Variants in OSBP2 observed in about 807,000 individuals in gnomAD.
The protein encoded by OSBP2 is oxysterol binding protein 2, also known as oxysterol-binding protein 2.
OSBP2 carries 66 observed loss-of-function variants against 96.0 expected under a neutral mutation model. That is an observed-to-expected ratio of 0.69 (90% CI 0.56 to 0.84). OSBP2 has a LOEUF of 0.84. OSBP2 is among the 40% of genes least tolerant of loss of function. The pLI, the probability that OSBP2 is intolerant of heterozygous loss-of-function variation, is 0.00. For missense variants in OSBP2, 1,038 were observed against 1,222.7 expected (o/e 0.85, Z 2.25); for synonymous variants, 525 against 520.9 (o/e 1.01, Z -0.11).
chr22:30,704,122 C>T (rs549359621), intron 1 of OSBP2, among the ~76,000 whole-genome samples: 5 of 152,230 alleles, frequency 3.3e-5, no homozygotes, highest in South Asian at 4.2e-4. Context: ...TGGAGGTCTC[C>T]GAAAGTAACC....
Position 30,893,456 on chromosome 22 carries a change from C to T in OSBP2, c.1991-7C>T. The T allele has an allele frequency of 6.2e-7, 1 of 1,611,292 alleles. No individual in the cohort carries two copies. Among genetic ancestry groups the T allele is most frequent in the African/African-American group, 1.3e-5 (1 of 75,006 alleles). On this transcript the variant is annotated splice_region_variant and splice_polypyrimidine_tract_variant and intron_variant, in intron 9 of 13. Transcript: ENST00000332585. ...GGCATGACCTCTGACCTGTCCCCTG[C>T]CTCCAGGTGCCATCCACTTAGAATT...
At chr22:30,844,415 G>A (rs1270188286) in intron 2 of OSBP2, 1 of 152,494 alleles carries the variant, frequency 6.6e-6, no homozygotes, top group Non-Finnish European at 1.5e-5. Context: ...TATTATCTTA[G>A]CTAGATCTTT....
rs79307724 is a variant in OSBP2 at position 30,900,423 on chromosome 22, T to C, written c.2376-5414T>C. Among the ~76,000 whole-genome samples, 33 of 152,244 alleles carry C rather than the reference T, an allele frequency of 2.2e-4. No individual in the cohort carries two copies. The East Asian group carries it at 6.2e-3, about 28-fold the overall frequency. On this transcript the variant is annotated intron_variant, in intron 12 of 13. Transcript: ENST00000332585. ...TCACGGATAGAAAGTATTGTAAAGA[T>C]GTCATGATTTAAAAAGTCAGTAAAT...
chr22:30,727,828 C>T (rs1268257831), intron 1 of OSBP2, among the ~76,000 whole-genome samples: 2 of 152,134 alleles, frequency 1.3e-5, no homozygotes, highest in Non-Finnish European at 2.9e-5. Context: ...CACCCTGGGC[C>T]GGGCGCAGTG....
intron 2 of OSBP2, among the ~76,000 whole-genome samples, chr22:30,800,149 T>C (rs146622653): frequency 6.6e-6 from 1 of 152,322 alleles, no homozygotes; most frequent in Non-Finnish European, 1.5e-5. Context: ...CTGGGTTTGC[T>C]CATTCAAGAG....
chr22:30,717,090 T>TTTTTTTTTTTTTTTG, intron 1 of OSBP2, among the ~76,000 whole-genome samples: 1 of 118,414 alleles, frequency 8.4e-6, no homozygotes. Context: ...TTTACTGTTT[T>TTTTTTTTTTTTTTTG]TGTGTGTGTG....
chr22:30,807,486 T>A (rs761085295), intron 2 of OSBP2, among the ~76,000 whole-genome samples: 13 of 152,162 alleles, frequency 8.5e-5, no homozygotes, highest in African/African-American at 2.9e-4. Flanking sequence ...GGCACTGCTT[T>A]CCTGCTGACC....
chr22:30,887,297 A>T, intron 3 of OSBP2, 129 bp from the exon 4 acceptor site: 1 of 706,054 alleles, frequency 1.4e-6, no homozygotes, highest in Non-Finnish European at 2.4e-6. Context: ...CTGGGAATGC[A>T]GCCCAGTAGG....
rs373297126 is a variant in OSBP2 at position 30,827,736 on chromosome 22, T to A, written c.854-42693T>A. On this transcript the variant is annotated intron_variant, in intron 2 of 13. Coordinates refer to ENST00000332585, the MANE Select transcript of OSBP2 (RefSeq NM_030758.4). ...AGCCAAATGAGACCTAGGGGAGACA[T>A]GGAAGAAGTCACCTCAGCTCCCTCA... is the stretch of plus-strand genomic sequence containing the variant. 1.3e-3 allele frequency among the ~76,000 whole-genome samples: 203 copies of A among 152,214 alleles called. 8 individuals carry two copies. In the South Asian group the frequency reaches 0.04, roughly 30 times the overall value.
intron 2 of OSBP2, among the ~76,000 whole-genome samples, chr22:30,759,167 GTGAAA>G (rs563824625): frequency 0.01 from 1,566 of 152,214 alleles, 9 homozygotes; most frequent in Middle Eastern, 0.017. Flanking sequence ...GGCCAACACG[GTGAAA>G]CCCCGTCTCT....
At chr22:30,710,817 GC>G (rs2089334227) in intron 1 of OSBP2, among the ~76,000 whole-genome samples, 1 of 151,990 alleles carries the variant, frequency 6.6e-6, no homozygotes, top group Non-Finnish European at 1.5e-5. Context: ...CACCATGTTG[GC>G]CAGGCTGGTC....
At chr22:30,705,671 C>T (rs1247739303) in intron 1 of OSBP2, among the ~76,000 whole-genome samples, 1 of 152,106 alleles carries the variant, frequency 6.6e-6, no homozygotes, top group Non-Finnish European at 1.5e-5. Context: ...GTACGTTTCT[C>T]AGGGAGGGTC....
intron 2 of OSBP2, chr22:30,822,800 G>T: frequency 1.7e-6 from 2 of 1,160,386 alleles, no homozygotes; most frequent in Non-Finnish European, 2.4e-6. Flanking sequence ...ATCGATCCAC[G>T]GGAGCCTCTG....
Position 30,889,225 on chromosome 22 carries a change from A to G in OSBP2, c.1467A>G (p.Ser489=). Residue 489 remains serine, a synonymous_variant, in exon 6 of 14, where the codon TCA becomes TCG. Coordinates refer to ENST00000332585, the MANE Select transcript of OSBP2 (RefSeq NM_030758.4). The part of the protein sequence containing the change: ...STGTSSVDWS[S]ADNVLDGASL... The stretch of plus-strand genomic sequence containing the variant: ...GGACAAGTTCCGTGGACTGGAGCTC[A>G]GCAGACAATGTAAGTGAGGGGGAGC... 2.5e-6 allele frequency: 4 copies of G among 1,613,310 alleles called. No homozygotes were observed. Among genetic ancestry groups the G allele is most frequent in the Non-Finnish European group, 3.4e-6 (4 of 1,179,844 alleles).
intron 1 of OSBP2, among the ~76,000 whole-genome samples, chr22:30,732,685 G>A (rs149431911): frequency 1.1e-3 from 167 of 152,332 alleles, no homozygotes; most frequent in Middle Eastern, 3.4e-3. Flanking sequence ...TGGTGAGCAG[G>A]GCCACTCCTG....
intron 2 of OSBP2, chr22:30,770,784 A>G (rs985101721): frequency 1.3e-5 from 2 of 152,312 alleles, no homozygotes; most frequent in Admixed American, 6.5e-5. Context: ...GTTCCTCCAT[A>G]ATTTCGTTCT....
At chr22:30,720,357 C>G (rs1470245465) in intron 1 of OSBP2, among the ~76,000 whole-genome samples, 1 of 152,154 alleles carries the variant, frequency 6.6e-6, no homozygotes, top group Non-Finnish European at 1.5e-5. Context: ...TGGCTGGAGA[C>G]TCCACTTCCA....
At chr22:30,778,808 G>A (rs112897535) in intron 2 of OSBP2, among the ~76,000 whole-genome samples, 75 of 152,046 alleles carry the variant, frequency 4.9e-4, no homozygotes, top group African/African-American at 1.6e-3. Context: ...GGCTGAGGCC[G>A]GTTGGTCACT....
chr22:30,902,766 C>T, intron 12 of OSBP2: 1 of 443,404 alleles, frequency 2.3e-6, no homozygotes. Context: ...AATTCGTTCA[C>T]AAGGAGCAAG....
Sources: allele counts gnomAD v4.1 joint callset (sites outside exome capture counted in the v4.1 genomes callset), GRCh38; gene constraint gnomAD v4.1.1; transcripts MANE v1.5; gene names NCBI Gene and HGNC (gene_info 2026-07-23, HGNC 2026-07-21).